Variants in NELL2 observed in about 807,000 individuals in gnomAD.
NELL2 encodes the protein neural EGFL like 2, also known as protein kinase C-binding protein NELL2.
Under a neutral mutation model 109.6 loss-of-function variants are expected in NELL2, and 41 were observed. The ratio of observed to expected loss-of-function variants is 0.37; its 90% confidence interval spans 0.29 to 0.49. The LOEUF is 0.49. NELL2 is among the 20% of genes least tolerant of loss of function. NELL2 has a pLI of 0.98. For synonymous variants in NELL2, 355 were observed against 344.7 expected (o/e 1.03, Z -0.33); for missense variants, 900 against 1,008.3 (o/e 0.89, Z 1.45).
At chr12:44,600,179 T>TATTTATTTATTG (rs1555183532) in intron 15 of NELL2, among the ~76,000 whole-genome samples, 4 of 137,922 alleles carry the variant, frequency 2.9e-5, no homozygotes, top group African/African-American at 1.1e-4. Context: ...TTTATTTATT[T>TATTTATTTATTG]ATTGTATTTT....
chr12:44,550,546 C>A (rs1942999928), intron 15 of NELL2, among the ~76,000 whole-genome samples: 5 of 138,998 alleles, frequency 3.6e-5, no homozygotes, highest in Non-Finnish European at 1.5e-5. Context: ...TCCATCTCAA[C>A]ATAAATAAAT....
intron 3 of NELL2, among the ~76,000 whole-genome samples, chr12:44,800,705 A>C (rs1324278630): frequency 6.6e-6 from 1 of 152,196 alleles, no homozygotes; most frequent in Non-Finnish European, 1.5e-5. Context: ...GATGCTAAAA[A>C]TCAATAGAAA....
At chr12:44,768,325 A>G (rs1321943669) in intron 9 of NELL2, among the ~76,000 whole-genome samples, 1 of 151,432 alleles carries the variant, frequency 6.6e-6, no homozygotes, top group Non-Finnish European at 1.5e-5. Flanking sequence ...TTTTTTTTTA[A>G]TTAAGATAAA....
At chr12:44,675,920 T>G (rs1015034396) in intron 12 of NELL2, among the ~76,000 whole-genome samples, 5 of 152,106 alleles carry the variant, frequency 3.3e-5, no homozygotes, top group African/African-American at 9.7e-5. Flanking sequence ...TCAGAGGCAG[T>G]GAGCACTCAG....
chr12:44,827,669 T>C (rs1225411183), intron 2 of NELL2, among the ~76,000 whole-genome samples: 2 of 152,232 alleles, frequency 1.3e-5, no homozygotes, highest in Non-Finnish European at 2.9e-5. Context: ...TATGACTGAA[T>C]GGTACTCATC....
At chr12:44,543,166 T>A (rs1942652555) in intron 15 of NELL2, among the ~76,000 whole-genome samples, 1 of 152,192 alleles carries the variant, frequency 6.6e-6, no homozygotes, top group South Asian at 2.1e-4. Flanking sequence ...TCCACTTGGA[T>A]ACAAAATTTC....
intron 9 of NELL2, among the ~76,000 whole-genome samples, chr12:44,722,378 C>T (rs1393505820): frequency 1.3e-5 from 2 of 152,130 alleles, no homozygotes; most frequent in Non-Finnish European, 2.9e-5. Flanking sequence ...GTTGCCCAGG[C>T]TTGTTTTGAA....
chr12:44,684,705 A>C (rs527625954), intron 12 of NELL2, among the ~76,000 whole-genome samples: 1 of 152,194 alleles, frequency 6.6e-6, no homozygotes, highest in East Asian at 1.9e-4. Flanking sequence ...CAGGTTGTTC[A>C]GTTTCCATGT....
chr12:44,866,155 A>G (rs1311332603), intron 2 of NELL2, among the ~76,000 whole-genome samples: 1 of 152,224 alleles, frequency 6.6e-6, no homozygotes, highest in African/African-American at 2.4e-5. Context: ...AATGGCCCTC[A>G]CCAGACACCA....
intron 9 of NELL2, among the ~76,000 whole-genome samples, chr12:44,727,122 T>A (rs994642193): frequency 4.6e-5 from 7 of 152,104 alleles, no homozygotes; most frequent in Non-Finnish European, 8.8e-5. Context: ...TGATCACACT[T>A]AGAGTAGCAA....
At chr12:44,579,828 C>A (rs1371489429) in intron 15 of NELL2, among the ~76,000 whole-genome samples, 1 of 152,080 alleles carries the variant, frequency 6.6e-6, no homozygotes, top group East Asian at 1.9e-4. Flanking sequence ...TCTGTTAATG[C>A]CTTTATTACC....
intron 11 of NELL2, among the ~76,000 whole-genome samples, chr12:44,707,673 A>G (rs1375974134): frequency 6.6e-6 from 1 of 152,176 alleles, no homozygotes; most frequent in Admixed American, 6.6e-5. Flanking sequence ...ACTAATACCA[A>G]CGGATTTCTT....
intron 3 of NELL2, among the ~76,000 whole-genome samples, chr12:44,791,640 T>TA (rs112766103): frequency 0.27 from 41,135 of 150,362 alleles, 6,310 homozygotes; most frequent in African/African-American, 0.41. Flanking sequence ...AAAACAAAAC[T>TA]AAAAAAAAAT....
At chr12:44,629,066 A>G (rs1053353693) in intron 13 of NELL2, among the ~76,000 whole-genome samples, 2 of 152,192 alleles carry the variant, frequency 1.3e-5, no homozygotes, top group Non-Finnish European at 2.9e-5. Flanking sequence ...GTGTATCTAA[A>G]TTTGGGTACA....
At chr12:44,723,311 T>C (rs185678014) in intron 9 of NELL2, among the ~76,000 whole-genome samples, 1 of 152,290 alleles carries the variant, frequency 6.6e-6, no homozygotes, top group African/African-American at 2.4e-5. Flanking sequence ...ACAACTATTT[T>C]ACTATGCAGA....
In NELL2 at chr12:44,531,263, A is replaced by G. The variant is rs188791983; in HGVS notation, c.1804+1318T>C. Among the ~76,000 whole-genome samples the G allele has an allele frequency of 2.3e-3, 354 of 152,312 alleles. 11 individuals are homozygous for G. The South Asian group carries it at 0.062, about 27-fold the overall frequency. ...TTTGCATTATTTATAATCAGCTTAT[A>G]TTCATTCTTTATGTGCATAAATTTT... On this transcript the variant is annotated intron_variant, in intron 16 of 19. Transcript: ENST00000429094.
Position 44,889,782 on chromosome 12 carries a change from C to G in NELL2, c.39-13882G>C, listed in dbSNP as rs183689052. 2.8e-3 allele frequency among the ~76,000 whole-genome samples: 423 copies of G among 152,256 alleles called. 3 individuals carry two copies. Among genetic ancestry groups the G allele is most frequent in the African/African-American group, 9.6e-3 (399 of 41,544 alleles). ...TATTTTATTCTGCCTCTGCTACCGT[C>G]AAAAATAATTCTCTTTTTCTAAGGC... On this transcript the variant is annotated intron_variant, in intron 1 of 20. Transcript: ENST00000333837.
rs1260112421 is a variant in NELL2, at chr12:44,628,483, G to C, written c.1445-17513C>G. Among the ~76,000 whole-genome samples the C allele has an allele frequency of 3.3e-5, 5 of 152,188 alleles. No homozygotes were observed. The South Asian group carries it at 6.2e-4, about 19-fold the overall frequency. On this transcript the variant is annotated intron_variant, in intron 13 of 19. Transcript: ENST00000429094. ...GTTCATCTAGTCTCCAATCCCACTG[G>C]GTTCTATAAAGCTTTCCCTGCTTTG... is the stretch of plus-strand genomic sequence containing the variant.
rs555479366 is a variant in NELL2 at position 44,896,815 on chromosome 12, C to T, written c.38+16984G>A. Among the ~76,000 whole-genome samples, 8 of 152,222 alleles carry T rather than the reference C, an allele frequency of 5.3e-5. No individual in the cohort carries two copies. In the South Asian group the frequency reaches 1.7e-3, roughly 32 times the overall value. On this transcript the variant is annotated intron_variant, in intron 1 of 20. Transcript: ENST00000333837. ...CCAGAAGCAAAAGTTTTCTCCCTGTCTAAAGAATGAAAGTCAACTTTAGAT... is the reference window on the plus strand; with the variant it reads ...CCAGAAGCAAAAGTTTTCTCCCTGTTTAAAGAATGAAAGTCAACTTTAGAT...
Sources: gnomAD v4.1 joint callset for allele counts (sites outside exome capture counted in the v4.1 genomes callset) on GRCh38, gnomAD v4.1.1 for gene constraint, MANE v1.5 for transcripts, NCBI Gene and HGNC (gene_info 2026-07-23, HGNC 2026-07-21) for gene names.